TBC1D31: variants seen among roughly 807,000 people sequenced by gnomAD.
TBC1D31 encodes the protein WD repeat domain 67.
In TBC1D31, 99 loss-of-function variants were observed where a neutral mutation model predicts 132.9. That is an observed-to-expected ratio of 0.74 (90% CI 0.63 to 0.88). The LOEUF (loss-of-function observed/expected upper bound fraction) is 0.88, where lower values mean the gene tolerates loss of function less well. Ranked by LOEUF, TBC1D31 falls within the 40% of genes least tolerant of loss-of-function variation. The probability of loss-of-function intolerance (pLI) is 0.00; values close to 1 mark genes in which losing one functional copy is unlikely to be tolerated. For synonymous variants in TBC1D31, 385 were observed against 419.4 expected (o/e 0.92, Z 1.00); for missense variants, 1,134 against 1,256.6 (o/e 0.90, Z 1.48).
At chr8:123,073,145 C>T (rs1426076392) in intron 1 of TBC1D31, 2 of 509,302 alleles carry the variant, frequency 3.9e-6, no homozygotes, top group African/African-American at 1.9e-5. Flanking sequence ...TTTATGATCA[C>T]GGTATCCCGC....
At chr8:123,082,642 C>A in intron 2 of TBC1D31, 60 bp from the exon 3 acceptor site, 1 of 1,256,204 alleles carries the variant, frequency 8.0e-7, no homozygotes, top group South Asian at 1.3e-5. Context: ...GGACTCCTTC[C>A]ACATGGAATT....
intron 18 of TBC1D31, among the ~76,000 whole-genome samples, chr8:123,141,794 A>T (rs1246402979): frequency 6.9e-6 from 1 of 145,804 alleles, no homozygotes; most frequent in East Asian, 2.1e-4. Context: ...CCCATACCCT[A>T]GCCGATAAGT....
At chr8:123,091,377 T>G (rs1816306603) in intron 4 of TBC1D31, among the ~76,000 whole-genome samples, 1 of 152,186 alleles carries the variant, frequency 6.6e-6, no homozygotes, top group African/African-American at 2.4e-5. Context: ...TGACTGCTAA[T>G]TATAATAATA....
intron 5 of TBC1D31, 119 bp downstream of exon 5, chr8:123,093,861 C>A: frequency 1.5e-6 from 1 of 668,820 alleles, no homozygotes; most frequent in Non-Finnish European, 2.2e-6. Flanking sequence ...AAGTTACCTT[C>A]AAATTTAGAT....
chr8:123,096,440 T>C (rs966052835), intron 5 of TBC1D31, among the ~76,000 whole-genome samples: 1 of 152,224 alleles, frequency 6.6e-6, no homozygotes, highest in South Asian at 2.1e-4. Context: ...ATAGAATTCT[T>C]CCTCCAAGTC....
the TBC1D31 span, among the ~76,000 whole-genome samples, chr8:123,164,162 G>T: frequency 6.6e-6 from 1 of 152,312 alleles, no homozygotes; most frequent in African/African-American, 2.4e-5. Context: ...CTGAGCCTGG[G>T]TTCAGTCTGC....
chr8:123,082,654 G>C, intron 2 of TBC1D31, 48 bp from the exon 3 acceptor site: 1 of 1,339,448 alleles, frequency 7.5e-7, no homozygotes, highest in Non-Finnish European at 1.0e-6. Flanking sequence ...CATGGAATTT[G>C]TAATTATTGG....
intron 5 of TBC1D31, among the ~76,000 whole-genome samples, chr8:123,094,499 T>A (rs1816658658): frequency 6.7e-6 from 1 of 150,258 alleles, no homozygotes; most frequent in African/African-American, 2.4e-5. Flanking sequence ...AACCATAGTA[T>A]TATCACACTT....
At chr8:123,148,458 C>G (rs1184507483) in intron 20 of TBC1D31, among the ~76,000 whole-genome samples, 1 of 151,958 alleles carries the variant, frequency 6.6e-6, no homozygotes, top group Non-Finnish European at 1.5e-5. Flanking sequence ...GATCTCAGCT[C>G]TGGCTGGGCA....
At chr8:123,078,513 G>A (rs956033487) in intron 2 of TBC1D31, among the ~76,000 whole-genome samples, 11 of 152,182 alleles carry the variant, frequency 7.2e-5, no homozygotes, top group African/African-American at 2.4e-4. Flanking sequence ...CAGCATGCCA[G>A]CAGCAATGAA....
chr8:123,126,764 C>CTCTGTCTCAAAAA, intron 13 of TBC1D31, 77 bp downstream of exon 13: 1 of 1,349,264 alleles, frequency 7.4e-7, no homozygotes, highest in Non-Finnish European at 1.0e-6. Context: ...TTTTTTGAGA[C>CTCTGTCTCAAAAA]AGAGTCTCGC....
At position 123,152,027 on chromosome 8, in the gene TBC1D31, T is replaced by C. The variant is rs1822833746; in HGVS notation, c.*88T>C. 1.3e-5 allele frequency: 16 copies of C among 1,239,518 alleles called. No homozygotes were observed. Among genetic ancestry groups the C allele is most frequent in the Non-Finnish European group, 1.6e-5 (15 of 952,378 alleles). 76.8% of individuals were successfully genotyped at this position (1,239,518 alleles called of 1,614,324 possible). On this transcript the variant is annotated 3_prime_UTR_variant, in exon 22 of 22. Transcript: ENST00000287380. ...TTAGATTATTTATTTAAAATTCCTATAAAGATCAGCCCTTTGTACAGAAAA... is the reference window on the plus strand; with the variant it reads ...TTAGATTATTTATTTAAAATTCCTACAAAGATCAGCCCTTTGTACAGAAAA...
chr8:123,158,267 A>T, the TBC1D31 span, among the ~76,000 whole-genome samples: 1 of 145,630 alleles, frequency 6.9e-6, no homozygotes, highest in Admixed American at 6.7e-5. Flanking sequence ...CATAACTATT[A>T]TAATAAAAAA....
At chr8:123,092,808 A>ATTTTTTTT (rs71573666) in intron 4 of TBC1D31, among the ~76,000 whole-genome samples, 1,306 of 103,392 alleles carry the variant, frequency 0.013, 105 homozygotes, top group African/African-American at 0.05. Context: ...CACCCGGCTA[A>ATTTTTTTT]TTTTTTTTTT....
chr8:123,122,447 G>A (rs1261079615), intron 11 of TBC1D31, among the ~76,000 whole-genome samples: 6 of 152,186 alleles, frequency 3.9e-5, no homozygotes, highest in Non-Finnish European at 8.8e-5. Context: ...CAAAAGGACA[G>A]TTATTGTATG....
intron 1 of TBC1D31, chr8:123,073,216 A>G: frequency 2.1e-6 from 1 of 470,894 alleles, no homozygotes; most frequent in South Asian, 1.6e-5. Context: ...CTGGAGCAGA[A>G]CTCCAGGAGG....
At chr8:123,142,841 T>A (rs908653244) in intron 19 of TBC1D31, among the ~76,000 whole-genome samples, 1 of 152,230 alleles carries the variant, frequency 6.6e-6, no homozygotes, top group African/African-American at 2.4e-5. Context: ...TTCTGGCTGA[T>A]TGAATAATAT....
chr8:123,084,672 C>A (rs941327121), intron 4 of TBC1D31, among the ~76,000 whole-genome samples: 3 of 152,132 alleles, frequency 2.0e-5, no homozygotes, highest in Non-Finnish European at 4.4e-5. Flanking sequence ...TTTTTGAACA[C>A]GTGTACATTC....
At chr8:123,104,584 G>A (rs1225784056) in intron 7 of TBC1D31, among the ~76,000 whole-genome samples, 1 of 152,156 alleles carries the variant, frequency 6.6e-6, no homozygotes, top group Admixed American at 6.5e-5. Context: ...CACTTCCTTT[G>A]AAGAAGGAAG....
Sources: allele counts gnomAD v4.1 joint callset (sites outside exome capture counted in the v4.1 genomes callset), GRCh38; gene constraint gnomAD v4.1.1; transcripts MANE v1.5; gene names NCBI Gene and HGNC (gene_info 2026-07-23, HGNC 2026-07-21).